Variants in DNER observed in about 807,000 individuals in gnomAD.
The protein encoded by DNER is delta/notch like EGF repeat containing.
DNER carries 33 observed loss-of-function variants against 78.2 expected under a neutral mutation model. That is an observed-to-expected ratio of 0.42 (90% CI 0.32 to 0.56). The LOEUF is 0.56. Ranked by LOEUF, DNER falls within the 20% of genes least tolerant of loss-of-function variation. The pLI, the probability that DNER is intolerant of heterozygous loss-of-function variation, is 0.11. For missense variants in DNER, 918 were observed against 975.3 expected, an observed-to-expected ratio of 0.94 and a Z score of 0.78; for synonymous variants, 417 against 384.8, an observed-to-expected ratio of 1.08 and a Z score of -0.98.
intron 1 of DNER, among the ~76,000 whole-genome samples, chr2:229,703,217 TAA>T (rs1182833537): frequency 4.6e-5 from 7 of 151,930 alleles, no homozygotes; most frequent in Admixed American, 2.0e-4. Context: ...TGTAATAAAA[TAA>T]AGAGTCCAGA....
chr2:229,579,404 C>T (rs760943771), intron 4 of DNER, among the ~76,000 whole-genome samples: 1 of 152,136 alleles, frequency 6.6e-6, no homozygotes, highest in Admixed American at 6.6e-5. Flanking sequence ...TTCCCACAGC[C>T]CTGCTACCTA....
chr2:229,626,385 A>G (rs920667937), intron 1 of DNER, among the ~76,000 whole-genome samples: 1 of 152,216 alleles, frequency 6.6e-6, no homozygotes, highest in African/African-American at 2.4e-5. Context: ...TCTAAGAAAA[A>G]TTTGTACAGA....
At chr2:229,687,067 T>C (rs1197481358) in intron 1 of DNER, among the ~76,000 whole-genome samples, 4 of 152,182 alleles carry the variant, frequency 2.6e-5, no homozygotes, top group African/African-American at 9.6e-5. Context: ...TGTGTCTTCT[T>C]TTTTCTTTTC....
At chr2:229,592,076 C>CCA (rs1233526773) in intron 1 of DNER, among the ~76,000 whole-genome samples, 188 bp from the exon 2 acceptor site, 1 of 152,184 alleles carries the variant, frequency 6.6e-6, no homozygotes, top group Non-Finnish European at 1.5e-5. Context: ...ATTAACCTTA[C>CCA]CACAGATAAG....
rs397803294 is a variant in DNER at position 229,588,508 on chromosome 2, A to AC, written c.586-21dup. The AC allele has an allele frequency of 8.1e-6, 13 of 1,606,934 alleles. No homozygotes were observed. The highest frequency in any genetic ancestry group is 8.1e-5 in the African/African-American group (6 of 74,274). On this transcript the variant is annotated intron_variant, in intron 2 of 12. Transcript: ENST00000341772. ...GATCACCTGGGAAGGGAAAAAAAAA[A>AC]CGACATATGATTGGGGTTGTTTATA...
rs543949345 is a variant in DNER at position 229,624,030 on chromosome 2, T to TA, written c.277-32143dup. Among the ~76,000 whole-genome samples the TA allele has an allele frequency of 6.6e-4, 101 of 152,312 alleles. 1 individual carries two copies. Among genetic ancestry groups the TA allele is most frequent in the Non-Finnish European group, 1.3e-3 (87 of 68,024 alleles). On this transcript the variant is annotated intron_variant, in intron 1 of 12. Transcript: ENST00000341772. ...GGGTTGGAATGGACTTTAAAAGTCT[T>TA]AAAATCCAGCTCCCCAGCCACCCCA... is the stretch of plus-strand genomic sequence containing the variant.
intron 4 of DNER, among the ~76,000 whole-genome samples, chr2:229,554,907 GA>G (rs1281962138): frequency 5.8e-4 from 44 of 76,072 alleles, no homozygotes; most frequent in East Asian, 1.2e-3. Flanking sequence ...GAAGAGAAGA[GA>G]AGAGAAGAGA....
At chr2:229,609,692 T>G (rs1698008626) in intron 1 of DNER, among the ~76,000 whole-genome samples, 1 of 152,140 alleles carries the variant, frequency 6.6e-6, no homozygotes, top group African/African-American at 2.4e-5. Context: ...AGGGACACAA[T>G]GACAAACACC....
At chr2:229,564,617 CCAT>C (rs1196926628) in intron 4 of DNER, among the ~76,000 whole-genome samples, 20 of 145,598 alleles carry the variant, frequency 1.4e-4, no homozygotes, top group Non-Finnish European at 6.0e-5. Context: ...CACCACATCA[CCAT>C]CATCATCCTC....
At chr2:229,432,554 G>A (rs1260936525) in intron 8 of DNER, among the ~76,000 whole-genome samples, 2 of 152,122 alleles carry the variant, frequency 1.3e-5, no homozygotes, top group Non-Finnish European at 2.9e-5. Context: ...CAATCAATTG[G>A]TTAAATTTGG....
chr2:229,544,821 A>G (rs1056490900), intron 5 of DNER, among the ~76,000 whole-genome samples: 9 of 152,214 alleles, frequency 5.9e-5, no homozygotes, highest in Admixed American at 3.3e-4. Context: ...GGCGTGAGCC[A>G]CTGCACCTGG....
chr2:229,433,512 G>A lies in DNER; in HGVS notation c.1486+13804C>T, dbSNP rs142379664. On this transcript the variant is annotated intron_variant, in intron 8 of 12. Coordinates refer to ENST00000341772, the MANE Select transcript of DNER (RefSeq NM_139072.4). The stretch of plus-strand genomic sequence containing the variant: ...GGCCAGAATGAGGGAAAGTAATAAG[G>A]ATATAGCTGTGGCACAATGTGTTCT... Among the ~76,000 whole-genome samples, 275 of 152,116 alleles carry A rather than the reference G, an allele frequency of 1.8e-3. 1 individual carries two copies. Among genetic ancestry groups the A allele is most frequent in the Non-Finnish European group, 2.7e-3 (181 of 68,012 alleles).
At chr2:229,372,363 C>T (rs781040490) in intron 11 of DNER, among the ~76,000 whole-genome samples, 1 of 152,214 alleles carries the variant, frequency 6.6e-6, no homozygotes, top group Non-Finnish European at 1.5e-5. Context: ...AACAGGAGCC[C>T]TTACGGAGTT....
intron 6 of DNER, among the ~76,000 whole-genome samples, chr2:229,497,851 C>T (rs977667341): frequency 3.9e-5 from 6 of 152,106 alleles, no homozygotes; most frequent in African/African-American, 1.4e-4. Context: ...AATTCAGGAA[C>T]TGATGGCTTC....
At chr2:229,630,482 TAATAATAATAA>T (rs983291254) in intron 1 of DNER, among the ~76,000 whole-genome samples, 37 of 75,596 alleles carry the variant, frequency 4.9e-4, no homozygotes, top group African/African-American at 2.5e-3. Context: ...CATCTCAAAA[TAATAATAATAA>T]TAATAATAAT....
In DNER at chr2:229,617,930, C is replaced by T. The variant is rs74352264; in HGVS notation, c.277-26042G>A. ...TCATGTCACTGATTATATGATTGCACTCCAATCTGGGCGACTGAGTGAACA... is the reference window on the plus strand; with the variant it reads ...TCATGTCACTGATTATATGATTGCATTCCAATCTGGGCGACTGAGTGAACA... On this transcript the variant is annotated intron_variant, in intron 1 of 12. Transcript: ENST00000341772. 5.4e-3 allele frequency among the ~76,000 whole-genome samples: 829 copies of T among 152,292 alleles called. 40 individuals carry two copies. In the East Asian group the frequency reaches 0.087, roughly 16 times the overall value.
intron 12 of DNER, 139 bp downstream of exon 12, chr2:229,366,734 C>A: frequency 1.5e-6 from 2 of 1,325,310 alleles, no homozygotes; most frequent in Non-Finnish European, 2.1e-6. Flanking sequence ...AATGATCTAT[C>A]CCCAAATACA....
intron 4 of DNER, among the ~76,000 whole-genome samples, chr2:229,576,781 G>C (rs949658679): frequency 6.6e-6 from 1 of 152,054 alleles, no homozygotes; most frequent in African/African-American, 2.4e-5. Context: ...AATCAGAGTG[G>C]AGAGAAATGA....
chr2:229,580,577 C>A (rs992460749), intron 4 of DNER, among the ~76,000 whole-genome samples: 2 of 151,902 alleles, frequency 1.3e-5, no homozygotes, highest in African/African-American at 4.8e-5. Context: ...GCTAGAAAGA[C>A]CACTATAAAG....
Sources: gnomAD v4.1 joint callset for allele counts (sites outside exome capture counted in the v4.1 genomes callset) on GRCh38, gnomAD v4.1.1 for gene constraint, MANE v1.5 for transcripts, NCBI Gene and HGNC (gene_info 2026-07-23, HGNC 2026-07-21) for gene names.